Variants in PCDHGA6 observed in about 807,000 individuals in gnomAD.
The protein encoded by PCDHGA6 is protocadherin gamma-A6.
PCDHGA6 carries 41 observed loss-of-function variants against 60.6 expected under a neutral mutation model. The ratio of observed to expected loss-of-function variants is 0.68; its 90% confidence interval spans 0.53 to 0.88. The LOEUF (loss-of-function observed/expected upper bound fraction) is 0.88, where lower values mean the gene tolerates loss of function less well. Ranked by LOEUF, PCDHGA6 falls within the 40% of genes least tolerant of loss-of-function variation. The pLI, the probability that PCDHGA6 is intolerant of heterozygous loss-of-function variation, is 0.00. For synonymous variants in PCDHGA6, 594 were observed against 524.4 expected (o/e 1.13, Z -1.81); for missense variants, 1,312 against 1,203.0 (o/e 1.09, Z -1.34).
rs1472171329 is a variant in PCDHGA6, at chr5:141,375,821, C to A, written c.1738C>A (p.Arg580Ser). 6 of 1,614,074 alleles carry A rather than the reference C, an allele frequency of 3.7e-6. No homozygotes were observed. Among genetic ancestry groups the A allele is most frequent in the Non-Finnish European group, 5.1e-6 (6 of 1,180,056 alleles). The change falls in exon 1 of 4, where the codon CGC becomes AGC. Residue 580 changes from arginine (R) to serine (S), a missense_variant. Coordinates refer to ENST00000517434, the MANE Select transcript of PCDHGA6 (RefSeq NM_018919.3). ...TTCCACTGGCGTGGAGCTGGCGCCC[C>A]GCTCCGCAGAGCCCGGCTACCTGGT... ...DGSTGVELAP[R>S]SAEPGYLVTK...
At chr5:141,393,168 G>T (rs1486915956) in intron 1 of PCDHGA6, 1 of 1,613,100 alleles carries the variant, frequency 6.2e-7, no homozygotes, top group Non-Finnish European at 8.5e-7. Context: ...ACTCTTTGGG[G>T]TAGAAATAGA....
At chr5:141,387,099 T>C (rs997819435) in intron 1 of PCDHGA6, among the ~76,000 whole-genome samples, 3 of 152,210 alleles carry the variant, frequency 2.0e-5, no homozygotes, top group Admixed American at 1.3e-4. Context: ...GAAATGAGAA[T>C]CACATAATAT....
rs1224625072 is a variant in PCDHGA6 at position 141,490,972 on chromosome 5, C to A, written c.2425-3835C>A. On this transcript the variant is annotated intron_variant, in intron 1 of 3. Transcript: ENST00000517434. The surrounding 1 kb of genome is among the most constrained non-coding windows in gnomAD (Gnocchi z 5.4). ...AGACTGGGAACACTCAGCCCCCCAG[C>A]GTCTCCCTCGCTCTGCTCCTCCTGG... is the stretch of plus-strand genomic sequence containing the variant. 2 of 1,613,912 alleles carry A rather than the reference C, an allele frequency of 1.2e-6. No individual in the cohort carries two copies. Among genetic ancestry groups the A allele is most frequent in the Non-Finnish European group, 1.7e-6 (2 of 1,179,922 alleles).
intron 1 of PCDHGA6, 89 bp downstream of exon 1, chr5:141,376,596 T>C: frequency 6.5e-7 from 1 of 1,549,136 alleles, no homozygotes; most frequent in South Asian, 1.2e-5. Flanking sequence ...GATCGGCTGT[T>C]ATAGAAGCGA....
Position 141,511,410 on chromosome 5 carries a change from T to TA in PCDHGA6, c.*238dup. On this transcript the variant is annotated 3_prime_UTR_variant, in exon 4 of 4. Coordinates refer to ENST00000517434, the MANE Select transcript of PCDHGA6 (RefSeq NM_018919.3). ...GGAACCCCCATCCAATCAACTGCTG[T>TA]ACCCATGGGGGTAGTGGGGTTACTG... The TA allele has an allele frequency of 1.1e-6, 1 of 908,822 alleles. No homozygotes were observed. The highest frequency in any genetic ancestry group is 1.6e-6 in the Non-Finnish European group (1 of 624,204). 56.3% of individuals were successfully genotyped at this position (908,822 alleles called of 1,614,324 possible).
In PCDHGA6 at chr5:141,432,704, C is replaced by T; in HGVS notation, c.2424+56197C>T. ...GAGCCTCGTAGTGGCCGTCCAGGAC[C>T]ACGGCCAGCCCCCTCTCTCCGCCAC... is the stretch of plus-strand genomic sequence containing the variant. On this transcript the variant is annotated intron_variant, in intron 1 of 3. Coordinates refer to ENST00000517434, the MANE Select transcript of PCDHGA6 (RefSeq NM_018919.3). The surrounding 1 kb of genome is among the most constrained non-coding windows in gnomAD (Gnocchi z 6.0). The T allele has an allele frequency of 6.2e-7, 1 of 1,613,966 alleles. No homozygotes were observed. The highest frequency in any genetic ancestry group is 8.5e-7 in the Non-Finnish European group (1 of 1,179,976).
chr5:141,419,872 A>G (rs1354880437), intron 1 of PCDHGA6: 1 of 1,614,094 alleles, frequency 6.2e-7, no homozygotes, highest in Admixed American at 1.7e-5. Flanking sequence ...TGCAAGAGGT[A>G]CTGCCGGATT....
chr5:141,419,809 A>G (rs1181621732), intron 1 of PCDHGA6: 2 of 1,613,916 alleles, frequency 1.2e-6, no homozygotes, highest in African/African-American at 2.7e-5. Flanking sequence ...GAGATGGAGG[A>G]CAGCCACCCC....
chr5:141,474,967 T>G (rs745581213), intron 1 of PCDHGA6, among the ~76,000 whole-genome samples: 6 of 152,252 alleles, frequency 3.9e-5, no homozygotes, highest in Non-Finnish European at 7.3e-5. Context: ...TCCTAATCAT[T>G]ATAATTTTGT....
Position 141,376,286 on chromosome 5 carries a change from A to T in PCDHGA6, c.2203A>T (p.Met735Leu). 1 of 1,614,174 alleles carries T rather than the reference A, an allele frequency of 6.2e-7. No homozygotes were observed. Among genetic ancestry groups the T allele is most frequent in the Non-Finnish European group, 8.5e-7 (1 of 1,180,040 alleles). Residue 735 changes from methionine to leucine, a missense_variant, in exon 1 of 4, where the codon ATG becomes TTG. Physicochemically the swap from Met to Leu is conservative, Grantham distance 15 (BLOSUM62 2). Transcript: ENST00000517434. ...LQASGGGLASMPGSHFVGVEG... is the reference protein window; with the variant it reads ...LQASGGGLASLPGSHFVGVEG... ...GGCTTCGGGAGGTGGCTTAGCGAGC[A>T]TGCCCGGCTCGCACTTTGTGGGCGT...
intron 1 of PCDHGA6, chr5:141,389,474 G>A (rs1476860129): frequency 1.2e-6 from 2 of 1,613,168 alleles, no homozygotes; most frequent in East Asian, 2.2e-5. Flanking sequence ...AACTCACACT[G>A]CAGGCCCGCG....
chr5:141,494,510 C>T (rs1462702765), intron 1 of PCDHGA6, among the ~76,000 whole-genome samples: 1 of 152,156 alleles, frequency 6.6e-6, no homozygotes, highest in Non-Finnish European at 1.5e-5. Context: ...TGAATTTTGG[C>T]TCAGGAGTTC....
rs1419985074 is a variant in PCDHGA6, at chr5:141,431,009, T to C, written c.2424+54502T>C. On this transcript the variant is annotated intron_variant, in intron 1 of 3. Transcript: ENST00000517434. The surrounding 1 kb of genome is among the most constrained non-coding windows in gnomAD (Gnocchi z 4.8). ...CGCCCTGAATCCGCGCAGCGGCAGC[T>C]TGGTCACGGCGGGCAGGATAGACCG... The C allele has an allele frequency of 3.7e-6, 6 of 1,613,884 alleles. No individual in the cohort carries two copies. Among genetic ancestry groups the C allele is most frequent in the Non-Finnish European group, 5.1e-6 (6 of 1,179,984 alleles).
intron 1 of PCDHGA6, chr5:141,417,543 C>T: frequency 6.5e-6 from 2 of 307,994 alleles, no homozygotes; most frequent in Non-Finnish European, 1.2e-5. Flanking sequence ...AAAAAAAATT[C>T]CTTGAAAGAG....
chr5:141,400,678 TTG>T, intron 1 of PCDHGA6: 1 of 882,002 alleles, frequency 1.1e-6, no homozygotes, highest in Non-Finnish European at 1.7e-6. Flanking sequence ...GAGCAGTAAA[TTG>T]TGAGTTTTTA....
At chr5:141,405,217 G>A in intron 1 of PCDHGA6, 9 of 1,614,024 alleles carry the variant, frequency 5.6e-6, no homozygotes, top group Non-Finnish European at 7.6e-6. Context: ...CCTATTCTCA[G>A]GAGTTCTCCC....
chr5:141,384,255 C>A (rs1434476229), intron 1 of PCDHGA6: 1 of 1,613,746 alleles, frequency 6.2e-7, no homozygotes, highest in African/African-American at 1.3e-5. Flanking sequence ...CACCCACCTT[C>A]CCCCACTCAT....
At position 141,431,556 on chromosome 5, in the gene PCDHGA6, C is replaced by G. The variant is rs1561853752; in HGVS notation, c.2424+55049C>G. ...GGCACGCAGCTGCTTGTAGTCAACGCTACCGACCCTGACGAAGGAGTCAAT... is the reference window on the plus strand; with the variant it reads ...GGCACGCAGCTGCTTGTAGTCAACGGTACCGACCCTGACGAAGGAGTCAAT... On this transcript the variant is annotated intron_variant, in intron 1 of 3. Transcript: ENST00000517434. The surrounding 1 kb of genome is among the most constrained non-coding windows in gnomAD (Gnocchi z 4.8). 3 of 1,614,138 alleles carry G rather than the reference C, an allele frequency of 1.9e-6. No individual in the cohort carries two copies. The highest frequency in any genetic ancestry group is 2.5e-6 in the Non-Finnish European group (3 of 1,180,022).
intron 1 of PCDHGA6, among the ~76,000 whole-genome samples, chr5:141,449,041 C>T (rs998143732): frequency 3.3e-5 from 5 of 152,126 alleles, no homozygotes; most frequent in Admixed American, 3.3e-4. Flanking sequence ...GATTATTAAC[C>T]AGTCTCATAA....
Sources: allele counts gnomAD v4.1 joint callset (sites outside exome capture counted in the v4.1 genomes callset), GRCh38; gene constraint gnomAD v4.1.1; non-coding constraint Gnocchi (gnomAD v3.1); transcripts MANE v1.5; gene names NCBI Gene and HGNC (gene_info 2026-07-23, HGNC 2026-07-21).